The following NT5C3A variants were observed in gnomAD, a reference collection of about 807,000 sequenced individuals.
NT5C3A encodes cytosolic 5'-nucleotidase 3A.
A neutral mutation model predicts 40.0 loss-of-function variants in NT5C3A; 23 were observed. The observed-to-expected ratio is 0.58, with a 90% CI of 0.41 to 0.81. The LOEUF is 0.81. NT5C3A is among the 40% of genes least tolerant of loss of function. NT5C3A has a pLI of 0.00. For missense variants in NT5C3A, 328 were observed against 403.0 expected (o/e 0.81, Z 1.59); for synonymous variants, 130 against 141.4 (o/e 0.92, Z 0.57).
intron 1 of NT5C3A, among the ~76,000 whole-genome samples, chr7:33,038,340 A>ATTCTCTAC (rs1274775203): frequency 6.6e-6 from 1 of 152,132 alleles, no homozygotes; most frequent in African/African-American, 2.4e-5. Flanking sequence ...AATCCTCTTT[A>ATTCTCTAC]TTCTCTACCT....
intron 1 of NT5C3A, among the ~76,000 whole-genome samples, chr7:33,062,180 G>A (rs1237202447): frequency 1.3e-5 from 2 of 152,064 alleles, no homozygotes; most frequent in Non-Finnish European, 2.9e-5. Flanking sequence ...CGGGGGGAGG[G>A]CGGGAGCAAG....
chr7:33,036,465 T>C (rs1786610729), intron 1 of NT5C3A: 1 of 171,128 alleles, frequency 5.8e-6, no homozygotes, highest in South Asian at 1.4e-4. Context: ...CATCTTTTTT[T>C]TTTTTCTAAG....
chr7:33,060,651 G>C (rs1439109922), intron 1 of NT5C3A, among the ~76,000 whole-genome samples: 2 of 152,114 alleles, frequency 1.3e-5, no homozygotes, highest in East Asian at 1.9e-4. Context: ...ACTTGGTTAG[G>C]TAGTTAACTC....
In NT5C3A at chr7:33,052,738, G is replaced by A. The variant is rs1305951466; in HGVS notation, c.138+9830C>T. Among the ~76,000 whole-genome samples, 3 of 152,218 alleles carry A rather than the reference G, an allele frequency of 2.0e-5. No individual in the cohort carries two copies. The East Asian group carries it at 5.8e-4, about 29-fold the overall frequency. On this transcript the variant is annotated intron_variant, in intron 1 of 8. Transcript: ENST00000610140. ...CACATAAAATTTGCATTTTGCTGTA[G>A]TAAGAATTTTAATTGTTTACTTAAA...
rs114115269 is a variant in NT5C3A at position 33,019,003 on chromosome 7, C to T, written c.530+632G>A. Among the ~76,000 whole-genome samples the T allele has an allele frequency of 6.0e-3, 911 of 152,092 alleles. 8 individuals are homozygous for T. Among genetic ancestry groups the T allele is most frequent in the African/African-American group, 0.021 (868 of 41,498 alleles). On this transcript the variant is annotated intron_variant, in intron 6 of 8. Coordinates refer to ENST00000610140, the MANE Select transcript of NT5C3A (RefSeq NM_001002010.5). ...CATAGTATACTGCCAGGCATGGTGG[C>T]TCACACATATAATCCCAGCACTTTG...
intron 1 of NT5C3A, among the ~76,000 whole-genome samples, chr7:33,031,108 A>AT: frequency 1.2e-4 from 1 of 8,260 alleles, no homozygotes; most frequent in South Asian, 3.1e-3. Flanking sequence ...AAAAAAAAAC[A>AT]AAAAAAAAAA....
At chr7:33,052,586 T>C (rs1787413895) in intron 1 of NT5C3A, among the ~76,000 whole-genome samples, 1 of 151,830 alleles carries the variant, frequency 6.6e-6, no homozygotes, top group African/African-American at 2.4e-5. Context: ...AACCAATGTA[T>C]ACTGCCTTTA....
At chr7:33,039,555 G>GCTTTTTTTTTTT (rs1786796957) in intron 1 of NT5C3A, among the ~76,000 whole-genome samples, 1 of 70,018 alleles carries the variant, frequency 1.4e-5, no homozygotes, top group Non-Finnish European at 2.6e-5. Context: ...TTAAGCTTGG[G>GCTTTTTTTTTTT]TTTTTTGTTT....
intron 1 of NT5C3A, among the ~76,000 whole-genome samples, chr7:33,039,395 T>C (rs1054527258): frequency 6.6e-6 from 1 of 152,022 alleles, no homozygotes; most frequent in Non-Finnish European, 1.5e-5. Flanking sequence ...GTAAACTACA[T>C]TGATAAGGTA....
At chr7:33,051,566 AAC>A (rs1418584689) in intron 1 of NT5C3A, among the ~76,000 whole-genome samples, 1 of 152,176 alleles carries the variant, frequency 6.6e-6, no homozygotes, top group Non-Finnish European at 1.5e-5. Context: ...GATAATCCAA[AAC>A]ACTGTGCAAA....
chr7:33,038,802 T>C, intron 1 of NT5C3A: 1 of 455,728 alleles, frequency 2.2e-6, no homozygotes, highest in Non-Finnish European at 4.4e-6. Flanking sequence ...ACCTGGTATA[T>C]AAAGTTCTGG....
rs768382506 is a variant in NT5C3A, at chr7:33,062,712, G to C, written c.-7C>G. The C allele has an allele frequency of 1.5e-5, 24 of 1,558,910 alleles. No individual in the cohort carries two copies. Among genetic ancestry groups the C allele is most frequent in the African/African-American group, 4.1e-5 (3 of 73,048 alleles). On this transcript the variant is annotated 5_prime_UTR_variant, in exon 1 of 9. Coordinates refer to ENST00000610140, the MANE Select transcript of NT5C3A (RefSeq NM_001002010.5). ...CCACGGCCGCGCGGTCCATGGACGGGGCCCTCATGCGCGTCCAAGCAGGAA... is the reference window on the plus strand; with the variant it reads ...CCACGGCCGCGCGGTCCATGGACGGCGCCCTCATGCGCGTCCAAGCAGGAA...
chr7:33,036,659 T>C (rs924093483), intron 1 of NT5C3A, among the ~76,000 whole-genome samples: 3 of 152,130 alleles, frequency 2.0e-5, no homozygotes, highest in African/African-American at 7.2e-5. Context: ...TTTCTCTACA[T>C]GTAAGGATGA....
intron 1 of NT5C3A, among the ~76,000 whole-genome samples, chr7:33,059,483 T>C (rs1787698259): frequency 6.6e-6 from 1 of 152,240 alleles, no homozygotes; most frequent in Non-Finnish European, 1.5e-5. Flanking sequence ...AATCAGCAGT[T>C]ACCTGATAAT....
chr7:33,029,692 G>A (rs1786140006), intron 1 of NT5C3A: 8 of 1,289,542 alleles, frequency 6.2e-6, no homozygotes, highest in African/African-American at 1.5e-5. Context: ...AGACCACTTC[G>A]AAGAAGGCTG....
intron 1 of NT5C3A, 141 bp downstream of exon 1, chr7:33,062,427 G>T: frequency 1.3e-6 from 1 of 742,366 alleles, no homozygotes; most frequent in Non-Finnish European, 2.2e-6. Flanking sequence ...CGCGTCCCGA[G>T]CTAGCGAGAT....
At chr7:33,042,295 A>G (rs1235814132) in intron 1 of NT5C3A, among the ~76,000 whole-genome samples, 1 of 152,114 alleles carries the variant, frequency 6.6e-6, no homozygotes, top group Non-Finnish European at 1.5e-5. Context: ...GCGCCACTGC[A>G]CTCCAGCCCA....
intron 1 of NT5C3A, among the ~76,000 whole-genome samples, chr7:33,049,153 G>C (rs1787267076): frequency 1.3e-5 from 2 of 152,004 alleles, no homozygotes; most frequent in South Asian, 4.1e-4. Flanking sequence ...AACATCAAGT[G>C]AAATAAAATA....
chr7:33,029,580 T>C, intron 1 of NT5C3A: 1 of 1,048,238 alleles, frequency 9.5e-7, no homozygotes, highest in Non-Finnish European at 1.3e-6. Flanking sequence ...GACTATTTTT[T>C]CACCAAAAAA....
Sources: allele counts gnomAD v4.1 joint callset (sites outside exome capture counted in the v4.1 genomes callset), GRCh38; gene constraint gnomAD v4.1.1; transcripts MANE v1.5; gene names NCBI Gene and HGNC (gene_info 2026-07-23, HGNC 2026-07-21).